The following SLC2A13 variants were observed in gnomAD, a reference collection of about 807,000 sequenced individuals.
SLC2A13 encodes the protein solute carrier family 2 member 13, also known as proton myo-inositol cotransporter.
Under a neutral mutation model 64.4 loss-of-function variants are expected in SLC2A13, and 32 were observed. The observed-to-expected ratio is 0.50, with a 90% CI of 0.37 to 0.67. SLC2A13 has a LOEUF of 0.67. Ranked by LOEUF, SLC2A13 falls within the 30% of genes least tolerant of loss-of-function variation. SLC2A13 has a pLI of 0.00. For missense variants in SLC2A13, 743 were observed against 829.2 expected, an observed-to-expected ratio of 0.90 and a Z score of 1.28; for synonymous variants, 338 against 327.1, an observed-to-expected ratio of 1.03 and a Z score of -0.36.
intron 3 of SLC2A13, among the ~76,000 whole-genome samples, chr12:39,981,539 T>G (rs1411015664): frequency 1.3e-5 from 2 of 148,398 alleles, no homozygotes; most frequent in Admixed American, 6.7e-5. Flanking sequence ...CAGAGAATAC[T>G]ACAAACACCT....
chr12:39,768,262 T>A (rs1566764516), intron 7 of SLC2A13, among the ~76,000 whole-genome samples: 1 of 152,160 alleles, frequency 6.6e-6, no homozygotes, highest in Non-Finnish European at 1.5e-5. Context: ...CTTAAGGGAA[T>A]GTTGTGGCTG....
At chr12:40,074,641 G>C (rs1460535192) in intron 1 of SLC2A13, among the ~76,000 whole-genome samples, 1 of 152,116 alleles carries the variant, frequency 6.6e-6, no homozygotes, top group East Asian at 1.9e-4. Flanking sequence ...GATGATTCCA[G>C]AACCCCTGAC....
intron 4 of SLC2A13, among the ~76,000 whole-genome samples, chr12:39,945,916 G>T (rs372207948): frequency 6.6e-6 from 1 of 151,726 alleles, no homozygotes; most frequent in Admixed American, 6.6e-5. Context: ...TTTTGTGGGG[G>T]GGTGTTGAAG....
At chr12:40,081,176 T>C (rs549071655) in intron 1 of SLC2A13, among the ~76,000 whole-genome samples, 1 of 152,360 alleles carries the variant, frequency 6.6e-6, no homozygotes, top group East Asian at 1.9e-4. Flanking sequence ...GATGACTATC[T>C]ATCTTCAAGA....
chr12:39,776,951 A>AT (rs1053738379), intron 7 of SLC2A13, among the ~76,000 whole-genome samples: 2 of 152,098 alleles, frequency 1.3e-5, no homozygotes, highest in African/African-American at 4.8e-5. Flanking sequence ...TTCTTTTTCA[A>AT]TTTTTTATAG....
At chr12:39,844,486 AC>A (rs1334682184) in intron 6 of SLC2A13, among the ~76,000 whole-genome samples, 2 of 152,096 alleles carry the variant, frequency 1.3e-5, no homozygotes. Context: ...TTTAGTATAA[AC>A]TTTTCAGAGT....
At chr12:39,868,748 T>C (rs1338733951) in intron 5 of SLC2A13, among the ~76,000 whole-genome samples, 2 of 152,200 alleles carry the variant, frequency 1.3e-5, no homozygotes, top group Non-Finnish European at 2.9e-5. Flanking sequence ...TGTCATTAAA[T>C]TTGTAATATT....
At position 40,105,578 on chromosome 12, in the gene SLC2A13, G is replaced by T; in HGVS notation, c.231C>A (p.Thr77=). 2 of 1,562,842 alleles carry T rather than the reference G, an allele frequency of 1.3e-6. No homozygotes were observed. Among genetic ancestry groups the T allele is most frequent in the South Asian group, 1.2e-5 (1 of 85,030 alleles). The change falls in exon 1 of 10, where the codon ACC becomes ACA. Residue 77 remains threonine, a synonymous_variant. Transcript: ENST00000280871. This position sits in a 1 kb window ranked among gnomAD's most constrained non-coding sequence, Gnocchi z 4.2. ...AARRQFQQDE[T]PAFVYVVAVF... ...CGGCCACCACGTACACGAAGGCGGG[G>T]GTCTCGTCCTGCTGGAACTGCCGCC...
chr12:39,935,791 T>C (rs1317837714), intron 4 of SLC2A13, among the ~76,000 whole-genome samples: 1 of 152,192 alleles, frequency 6.6e-6, no homozygotes, highest in African/African-American at 2.4e-5. Flanking sequence ...ATGAAGGCAC[T>C]GAAGCTTGGA....
intron 3 of SLC2A13, among the ~76,000 whole-genome samples, chr12:39,984,389 A>T (rs1946988680): frequency 6.6e-6 from 1 of 152,200 alleles, no homozygotes; most frequent in Non-Finnish European, 1.5e-5. Context: ...ATCTTCTATA[A>T]ACAAAGAATT....
At chr12:40,063,282 G>A (rs1246666162) in intron 1 of SLC2A13, among the ~76,000 whole-genome samples, 2 of 151,978 alleles carry the variant, frequency 1.3e-5, no homozygotes, top group Non-Finnish European at 2.9e-5. Context: ...GAAGATAAAG[G>A]ATAGACAGAA....
In SLC2A13 at chr12:40,093,549, T is replaced by C. The variant is rs750969684; in HGVS notation, c.556+11704A>G. 4.6e-5 allele frequency among the ~76,000 whole-genome samples: 7 copies of C among 152,272 alleles called. No individual in the cohort carries two copies. The South Asian group carries it at 6.2e-4, about 14-fold the overall frequency. On this transcript the variant is annotated intron_variant, in intron 1 of 9. Transcript: ENST00000280871. ...AAGTGTTTTGGCTAGTGGAAACTGCTATAGAGAAAAATAAAGCAGGGAAAA... is the reference window on the plus strand; with the variant it reads ...AAGTGTTTTGGCTAGTGGAAACTGCCATAGAGAAAAATAAAGCAGGGAAAA...
intron 6 of SLC2A13, among the ~76,000 whole-genome samples, chr12:39,850,606 G>A (rs1162722064): frequency 6.6e-6 from 1 of 152,092 alleles, no homozygotes; most frequent in African/African-American, 2.4e-5. Flanking sequence ...TTAGTATACG[G>A]TAATTGCCAA....
chr12:39,992,424 G>C (rs28370640), intron 3 of SLC2A13, among the ~76,000 whole-genome samples: 1 of 152,182 alleles, frequency 6.6e-6, no homozygotes, highest in South Asian at 2.1e-4. Flanking sequence ...CAGGGAGAAA[G>C]ACAATAGCAG....
intron 1 of SLC2A13, among the ~76,000 whole-genome samples, chr12:40,085,931 G>C (rs1229944100): frequency 6.6e-6 from 1 of 151,874 alleles, no homozygotes; most frequent in African/African-American, 2.4e-5. Context: ...CTAGAGTGCA[G>C]TGGCACAATC....
intron 1 of SLC2A13, among the ~76,000 whole-genome samples, chr12:40,094,678 C>T (rs1055452019): frequency 6.6e-6 from 1 of 151,994 alleles, no homozygotes; most frequent in Non-Finnish European, 1.5e-5. Flanking sequence ...AGAGGAACTA[C>T]AGAGAAGGAA....
chr12:39,922,663 G>T (rs1425449798), intron 4 of SLC2A13, among the ~76,000 whole-genome samples: 3 of 152,146 alleles, frequency 2.0e-5, no homozygotes, highest in Admixed American at 6.6e-5. Context: ...GTGTATGGGG[G>T]TTTTTCCTTA....
chr12:39,784,065 G>A (rs577182416), intron 7 of SLC2A13, among the ~76,000 whole-genome samples: 44 of 152,268 alleles, frequency 2.9e-4, no homozygotes, highest in African/African-American at 9.6e-4. Flanking sequence ...ACTGCTCAAC[G>A]AAATAAAAGA....
chr12:39,954,090 A>G (rs960509614), intron 3 of SLC2A13, among the ~76,000 whole-genome samples: 3 of 152,236 alleles, frequency 2.0e-5, no homozygotes, highest in African/African-American at 7.2e-5. Flanking sequence ...AAGCCATGCA[A>G]AAATGCATGA....
Sources: allele counts gnomAD v4.1 joint callset (sites outside exome capture counted in the v4.1 genomes callset), GRCh38; gene constraint gnomAD v4.1.1; non-coding constraint Gnocchi (gnomAD v3.1); transcripts MANE v1.5; gene names NCBI Gene and HGNC (gene_info 2026-07-23, HGNC 2026-07-21).